Variants in NBEAL2 observed in about 807,000 individuals in gnomAD.
NBEAL2 encodes neurobeachin like 2.
NBEAL2 carries 160 observed loss-of-function variants against 299.8 expected under a neutral mutation model. The observed-to-expected ratio is 0.53, with a 90% CI of 0.47 to 0.61. NBEAL2 has a LOEUF of 0.61. NBEAL2 is among the 20% of genes least tolerant of loss of function. The pLI is 0.00. For synonymous variants in NBEAL2, 1,493 were observed against 1,542.3 expected, an observed-to-expected ratio of 0.97 and a Z score of 0.75; for missense variants, 3,112 against 3,649.0, an observed-to-expected ratio of 0.85 and a Z score of 3.79.
chr3:47,008,441 G>C lies in NBEAL2; in HGVS notation c.7878G>C (p.Gln2626His), dbSNP rs758016764. 6.2e-7 allele frequency: 1 copy of C among 1,611,586 alleles called. No homozygotes were observed. The highest frequency in any genetic ancestry group is 1.7e-5 in the Admixed American group (1 of 59,992). Residue 2626 changes from glutamine to histidine, a missense_variant and splice_region_variant, in exon 51 of 54, where the codon CAG (glutamine) becomes CAC (histidine). This residue lies in a region of NBEAL2 where 348 missense variants were observed against 381.4 expected (regional missense o/e 0.91). Coordinates refer to ENST00000450053, the MANE Select transcript of NBEAL2 (RefSeq NM_015175.3). ...CAGCGTGGGAACGTCCTGGGGCCCA[G>C]GTATGGGGAAGGGGTGCCCAGCAAA... ...QSSAWERPGA[Q>H]VTYSLHLYSV...
chr3:47,005,231 G>A lies in NBEAL2; in HGVS notation c.6470G>A (p.Gly2157Asp), dbSNP rs1238078554. 1.2e-6 allele frequency: 2 copies of A among 1,613,506 alleles called. No homozygotes were observed. The highest frequency in any genetic ancestry group is 1.3e-5 in the African/African-American group (1 of 74,938). Residue 2157 changes from glycine to aspartate, a missense_variant, in exon 40 of 54, where the codon GGC becomes GAC. By Grantham distance (94) the Gly-to-Asp change is moderately conservative. Coordinates refer to ENST00000450053, the MANE Select transcript of NBEAL2 (RefSeq NM_015175.3). ...GGGACCATTGACAAGTTCCACTATG[G>A]CACCCACTACTCCAATGCAGCAGGC... The part of the protein sequence containing the change: ...PAGTIDKFHY[G>D]THYSNAAGVM...
rs745890949 is a variant in NBEAL2 at position 46,989,581 on chromosome 3, G to A, written c.544G>A (p.Ala182Thr). Residue 182 changes from alanine (A) to threonine (T), a missense_variant, in exon 6 of 54, where the codon GCC becomes ACC. Transcript: ENST00000450053. This position sits in a 1 kb window ranked among gnomAD's most constrained non-coding sequence, Gnocchi z 5.5. ...PPAALPQEFSAFFQESLQNAD... is the reference protein window; with the variant it reads ...PPAALPQEFSTFFQESLQNAD... The stretch of plus-strand genomic sequence containing the variant: ...TGCTGCTTTGCCCCAGGAATTCAGC[G>A]CCTTCTTCCAAGGTCAGGCCCCGCC... 52 of 1,591,870 alleles carry A rather than the reference G, an allele frequency of 3.3e-5. No individual in the cohort carries two copies. Among genetic ancestry groups the A allele is most frequent in the African/African-American group, 2.7e-4 (20 of 74,300 alleles).
Position 46,995,349 on chromosome 3 carries a change from C to G in NBEAL2, c.1614C>G (p.Arg538=). 6.2e-7 allele frequency: 1 copy of G among 1,609,886 alleles called. No homozygotes were observed. The highest frequency in any genetic ancestry group is 8.5e-7 in the Non-Finnish European group (1 of 1,178,636). Residue 538 remains arginine, a synonymous_variant, in exon 13 of 54, where the codon CGC becomes CGG. Coordinates refer to ENST00000450053, the MANE Select transcript of NBEAL2 (RefSeq NM_015175.3). ...CCATGGAGCTGCGTCACCTGCTGCG[C>G]CCCCGGCCAGGATTGGACTCGGAAC... ...IRPMELRHLL[R]PRPGLDSEPG...
At position 46,989,467 on chromosome 3, in the gene NBEAL2, A is replaced by G. The variant is rs948817299; in HGVS notation, c.474-44A>G. ...GGCCCAAGGAGGGGTGACGGCCAGG[A>G]GTGGTGAGAGCCGGGCTGATGTACT... On this transcript the variant is annotated intron_variant, in intron 5 of 53. Coordinates refer to ENST00000450053, the MANE Select transcript of NBEAL2 (RefSeq NM_015175.3). The surrounding 1 kb of genome is among the most constrained non-coding windows in gnomAD (Gnocchi z 5.5). 1.3e-6 allele frequency: 2 copies of G among 1,568,194 alleles called. No homozygotes were observed. The highest frequency in any genetic ancestry group is 3.8e-5 in the Admixed American group (2 of 52,910).
Position 46,999,100 on chromosome 3 carries a change from C to A in NBEAL2, c.3526C>A (p.Pro1176Thr). The part of the protein sequence containing the change: ...LVRPGSLPLL[P>T]DRVCKILRRL... Reference sequence around the variant, plus strand: ...GCGGCCAGGGTCACTGCCCCTGCTGCCCGATCGAGTCTGCAAGGTACACCC... The same window carrying A: ...GCGGCCAGGGTCACTGCCCCTGCTGACCGATCGAGTCTGCAAGGTACACCC... Residue 1176 changes from proline (P) to threonine (T), a missense_variant, in exon 24 of 54, where the codon CCC (proline) becomes ACC (threonine). Pro to Thr is a conservative substitution (Grantham distance 38, BLOSUM62 -1). Around this residue, in one of 3 missense-constraint regions of NBEAL2, gnomAD observed 2,243 missense variants for 2,538.1 expected, o/e 0.88. Transcript: ENST00000450053. 6.3e-7 allele frequency: 1 copy of A among 1,583,438 alleles called. No homozygotes were observed. The highest frequency in any genetic ancestry group is 1.3e-5 in the African/African-American group (1 of 74,082).
At chr3:47,007,215 C>G (rs758074068) in intron 46 of NBEAL2, 26 bp from the exon 47 acceptor site, 4 of 1,609,434 alleles carry the variant, frequency 2.5e-6, no homozygotes, top group African/African-American at 2.7e-5. Flanking sequence ...TGCCAGAAAC[C>G]CACCTCTGCC....
At chr3:46,995,011 T>C in intron 12 of NBEAL2, 21 bp from the exon 13 acceptor site, 2 of 1,523,334 alleles carry the variant, frequency 1.3e-6, no homozygotes, top group Non-Finnish European at 1.8e-6. Flanking sequence ...GACCAGGGAC[T>C]GTCATTCTCT....
chr3:46,984,352 C>T (rs1014421707), intron 1 of NBEAL2, among the ~76,000 whole-genome samples: 2 of 152,116 alleles, frequency 1.3e-5, no homozygotes, highest in Non-Finnish European at 2.9e-5. Flanking sequence ...GATGGTCAGG[C>T]CCTGGGGCAG....
In NBEAL2 at chr3:46,988,411, A is replaced by G. The variant is rs2035829753; in HGVS notation, c.52-258A>G. On this transcript the variant is annotated intron_variant, in intron 1 of 53. Coordinates refer to ENST00000450053, the MANE Select transcript of NBEAL2 (RefSeq NM_015175.3). This position sits in a 1 kb window ranked among gnomAD's most constrained non-coding sequence, Gnocchi z 4.4. ...TAGGGAGGTGGGAGCAGAAACTGGG[A>G]GGCTGAGAGAAGCAGTGGGGTGCCT... Among the ~76,000 whole-genome samples, 1 of 152,100 alleles carries G rather than the reference A, an allele frequency of 6.6e-6. No homozygotes were observed. The highest frequency in any genetic ancestry group is 1.5e-5 in the Non-Finnish European group (1 of 67,992).
At chr3:47,006,476 T>C in intron 45 of NBEAL2, 27 bp downstream of exon 45, 1 of 1,546,426 alleles carries the variant, frequency 6.5e-7, no homozygotes, top group African/African-American at 1.4e-5. Flanking sequence ...ACCTCAACTT[T>C]ATATTCTGTG....
intron 9 of NBEAL2, 133 bp from the exon 10 acceptor site, chr3:46,992,341 CA>C: frequency 1.2e-6 from 1 of 829,214 alleles, no homozygotes; most frequent in Non-Finnish European, 2.0e-6. Context: ...ACAGGGGGCT[CA>C]GCACCCTACT....
intron 16 of NBEAL2, 39 bp from the exon 17 acceptor site, chr3:46,996,712 A>T: frequency 6.3e-7 from 1 of 1,596,080 alleles, no homozygotes; most frequent in African/African-American, 1.3e-5. Context: ...GTTTGGCCAG[A>T]GGCCTAGCAA....
Position 47,001,586 on chromosome 3 carries a change from A to C in NBEAL2, c.4645-103A>C, listed in dbSNP as rs975887860. 6.4e-7 allele frequency: 1 copy of C among 1,573,794 alleles called. No homozygotes were observed. Among genetic ancestry groups the C allele is most frequent in the East Asian group, 2.3e-5 (1 of 44,320 alleles). ...TGTGAGTGTGGACTTGCCTGTGTGC[A>C]CAAACCCTACCTGGCCCCCAGCGCA... On this transcript the variant is annotated intron_variant, in intron 29 of 53. Coordinates refer to ENST00000450053, the MANE Select transcript of NBEAL2 (RefSeq NM_015175.3). The surrounding 1 kb of genome is among the most constrained non-coding windows in gnomAD (Gnocchi z 6.1).
Position 46,997,274 on chromosome 3 carries a change from G to A in NBEAL2, c.2665G>A (p.Val889Ile), listed in dbSNP as rs201145549. The A allele has an allele frequency of 7.6e-5, 122 of 1,612,822 alleles. No homozygotes were observed. The African/African-American group carries it at 1.0e-3, about 14-fold the overall frequency. The stretch of plus-strand genomic sequence containing the variant: ...CTTCCCCCAGGATGTGGTGAACTGC[G>A]TTGGGGGTATGGGTGCCCTGCTGCC... ...TWDVKDVVNC[V>I]GGMGALLPLL... Residue 889 changes from valine (V) to isoleucine (I), a missense_variant, in exon 19 of 54, where the codon GTT (valine) becomes ATT (isoleucine). Val to Ile is a conservative substitution (Grantham distance 29). This residue lies in a region of NBEAL2 where 2,243 missense variants were observed against 2,538.1 expected (regional missense o/e 0.88). Transcript: ENST00000450053.
Position 47,008,395 on chromosome 3 carries a change from G to T in NBEAL2, c.7832G>T (p.Gly2611Val). The change falls in exon 51 of 54, where the codon GGC becomes GTC. Residue 2611 changes from glycine to valine, a missense_variant. Around this residue, in one of 3 missense-constraint regions of NBEAL2, gnomAD observed 348 missense variants for 381.4 expected, o/e 0.91. Coordinates refer to ENST00000450053, the MANE Select transcript of NBEAL2 (RefSeq NM_015175.3). ...PIFHLALGSEGQIVVQSSAWE... is the reference protein window; with the variant it reads ...PIFHLALGSEVQIVVQSSAWE... ...TTCCACCTGGCATTGGGGTCCGAAG[G>T]CCAGATTGTGGTACAGAGCTCAGCG... 1 of 1,613,958 alleles carries T rather than the reference G, an allele frequency of 6.2e-7. No individual in the cohort carries two copies. The highest frequency in any genetic ancestry group is 8.5e-7 in the Non-Finnish European group (1 of 1,179,868).
rs776016160 is a variant in NBEAL2 at position 47,007,780 on chromosome 3, C to G, written c.7508-36C>G. 1.6e-5 allele frequency: 25 copies of G among 1,609,286 alleles called. No homozygotes were observed. The East Asian group carries it at 5.1e-4, about 33-fold the overall frequency. ...GAGGCTGGCCAGGGCGGATGTGACTCCTCCGTTCTGCCTGTACCCTCCCCT... is the reference window on the plus strand; with the variant it reads ...GAGGCTGGCCAGGGCGGATGTGACTGCTCCGTTCTGCCTGTACCCTCCCCT... On this transcript the variant is annotated intron_variant, in intron 48 of 53. Coordinates refer to ENST00000450053, the MANE Select transcript of NBEAL2 (RefSeq NM_015175.3).
At position 46,999,217 on chromosome 3, in the gene NBEAL2, C is replaced by T. The variant is rs74515346; in HGVS notation, c.3544-98C>T. Reference sequence around the variant, plus strand: ...GGCCTTGGGCCAGCGGATGAAGCTGCCTTCAAGGGCCTCTTGAGCCACACA... The same window carrying T: ...GGCCTTGGGCCAGCGGATGAAGCTGTCTTCAAGGGCCTCTTGAGCCACACA... On this transcript the variant is annotated intron_variant, in intron 24 of 53. Coordinates refer to ENST00000450053, the MANE Select transcript of NBEAL2 (RefSeq NM_015175.3). 8.1e-3 allele frequency: 12,439 copies of T among 1,534,398 alleles called. 1,068 individuals carry two copies. The East Asian group carries it at 0.2, about 25-fold the overall frequency.
At chr3:47,007,458 G>T in intron 47 of NBEAL2, 67 bp from the exon 48 acceptor site, 1 of 1,565,846 alleles carries the variant, frequency 6.4e-7, no homozygotes, top group East Asian at 2.4e-5. Context: ...GTCTGGCCAG[G>T]CTCCCTGAGG....
rs370147006 is a variant in NBEAL2 at position 47,009,329 on chromosome 3, A to G, written c.*9A>G. On this transcript the variant is annotated 3_prime_UTR_variant, in exon 54 of 54. Coordinates refer to ENST00000450053, the MANE Select transcript of NBEAL2 (RefSeq NM_015175.3). ...CTACTGAGGCGCGCTGAACCTGGCC[A>G]GTCCGGCTGCTCGGGCCCCGCCCCC... The G allele has an allele frequency of 9.6e-5, 152 of 1,578,052 alleles. 1 individual carries two copies. The African/African-American group carries it at 1.8e-3, about 18-fold the overall frequency.
Sources: gnomAD v4.1 joint callset for allele counts (sites outside exome capture counted in the v4.1 genomes callset) on GRCh38, gnomAD v4.1.1 for gene constraint, gnomAD v4.1.1 regional missense constraint, Gnocchi (gnomAD v3.1) non-coding constraint, MANE v1.5 for transcripts, NCBI Gene and HGNC (gene_info 2026-07-23, HGNC 2026-07-21) for gene names.